Variants in FOXO3 observed in about 807,000 individuals in gnomAD.
The protein encoded by FOXO3 is forkhead box protein O3.
Under a neutral mutation model 41.9 loss-of-function variants are expected in FOXO3, and 4 were observed. The observed-to-expected ratio is 0.10, with a 90% CI of 0.05 to 0.22. FOXO3 has a LOEUF of 0.22. Among genes scored for constraint, FOXO3 ranks in the 10% least tolerant of loss-of-function variants. FOXO3 has a pLI of 1.00. For missense variants in FOXO3, 534 were observed against 906.8 expected, an observed-to-expected ratio of 0.59 and a Z score of 5.28; for synonymous variants, 318 against 389.3, an observed-to-expected ratio of 0.82 and a Z score of 2.16.
chr6:108,590,219 G>C (rs913286419), intron 1 of FOXO3, among the ~76,000 whole-genome samples: 3 of 151,816 alleles, frequency 2.0e-5, no homozygotes, highest in Non-Finnish European at 4.4e-5. Context: ...GAACTCCTGG[G>C]CTCAAAGGAT....
In FOXO3 at chr6:108,577,869, G is replaced by A. The variant is rs77513393; in HGVS notation, c.621+16040G>A. ...GAGCATTATTATCACTTAACAAACT[G>A]TGTTTAACTGGGGTCTCCTCTTCTT... On this transcript the variant is annotated intron_variant, in intron 1 of 2. Coordinates refer to ENST00000406360, the MANE Select transcript of FOXO3 (RefSeq NM_001455.4). Among the ~76,000 whole-genome samples, 1,004 of 152,270 alleles carry A rather than the reference G, an allele frequency of 6.6e-3. 14 individuals are homozygous for A. Among genetic ancestry groups the A allele is most frequent in the African/African-American group, 0.023 (966 of 41,546 alleles).
At chr6:108,641,433 C>G (rs1778254316) in intron 1 of FOXO3, among the ~76,000 whole-genome samples, 1 of 152,102 alleles carries the variant, frequency 6.6e-6, no homozygotes, top group Non-Finnish European at 1.5e-5. Context: ...TAAAGAACCT[C>G]TAGGGCTCCA....
intron 1 of FOXO3, among the ~76,000 whole-genome samples, chr6:108,629,729 G>A (rs1018508522): frequency 9.2e-5 from 14 of 151,534 alleles, no homozygotes; most frequent in African/African-American, 3.2e-4. Context: ...TGTATGTGTT[G>A]TTCTCTGGCT....
At chr6:108,574,407 A>G (rs1776205626) in intron 1 of FOXO3, among the ~76,000 whole-genome samples, 1 of 152,158 alleles carries the variant, frequency 6.6e-6, no homozygotes, top group Non-Finnish European at 1.5e-5. Flanking sequence ...TTGGGACAGT[A>G]GGATATCTGT....
chr6:108,573,777 C>G (rs1251953147), intron 1 of FOXO3, among the ~76,000 whole-genome samples: 1 of 150,212 alleles, frequency 6.7e-6, no homozygotes, highest in Non-Finnish European at 1.5e-5. Flanking sequence ...TGCAGTGAGC[C>G]AAGATCACAC....
chr6:108,598,394 A>G (rs998131039), intron 1 of FOXO3, among the ~76,000 whole-genome samples: 2 of 152,050 alleles, frequency 1.3e-5, no homozygotes, highest in African/African-American at 4.8e-5. Flanking sequence ...TAGGGTGGGG[A>G]TGACAGGGGA....
At chr6:108,673,084 A>T (rs1267267493) in intron 2 of FOXO3, among the ~76,000 whole-genome samples, 1 of 152,240 alleles carries the variant, frequency 6.6e-6, no homozygotes, top group East Asian at 1.9e-4. Context: ...ATACCGCCCA[A>T]CGTAGTTATA....
At chr6:108,585,245 C>G (rs925927666) in intron 1 of FOXO3, among the ~76,000 whole-genome samples, 3 of 151,884 alleles carry the variant, frequency 2.0e-5, no homozygotes, top group African/African-American at 4.8e-5. Flanking sequence ...GGGTTTCACC[C>G]CGTTAGCCAG....
At chr6:108,608,570 C>T (rs1777272450) in intron 1 of FOXO3, among the ~76,000 whole-genome samples, 1 of 152,174 alleles carries the variant, frequency 6.6e-6, no homozygotes, top group African/African-American at 2.4e-5. Flanking sequence ...CAAAAATACT[C>T]TGGCAGAAAC....
chr6:108,657,069 T>C (rs1031722325), intron 1 of FOXO3, among the ~76,000 whole-genome samples: 1 of 152,242 alleles, frequency 6.6e-6, no homozygotes, highest in African/African-American at 2.4e-5. Flanking sequence ...TTGCCAGTTC[T>C]GTAACTGATT....
chr6:108,560,790 C>T, upstream of FOXO3: 1 of 348,912 alleles, frequency 2.9e-6, no homozygotes, highest in Non-Finnish European at 4.9e-6. Flanking sequence ...CCCGGGCGCC[C>T]CTCCCCCTTC....
intron 1 of FOXO3, among the ~76,000 whole-genome samples, chr6:108,636,296 C>T (rs1778118967): frequency 1.3e-5 from 2 of 152,214 alleles, no homozygotes; most frequent in African/African-American, 4.8e-5. Context: ...TTAGTTTGAT[C>T]TCACAGAGAA....
chr6:108,668,035 G>A (rs1412477619), intron 2 of FOXO3, among the ~76,000 whole-genome samples: 4 of 152,166 alleles, frequency 2.6e-5, no homozygotes, highest in Non-Finnish European at 1.5e-5. Flanking sequence ...TTCACAGAAC[G>A]AGGCTGAGGT....
At chr6:108,614,054 A>T (rs1777430662) in intron 1 of FOXO3, among the ~76,000 whole-genome samples, 1 of 152,112 alleles carries the variant, frequency 6.6e-6, no homozygotes, top group African/African-American at 2.4e-5. Flanking sequence ...TTCTAACTAA[A>T]TTCTTTTGTG....
At chr6:108,583,844 G>A (rs1776501329) in intron 1 of FOXO3, among the ~76,000 whole-genome samples, 1 of 152,240 alleles carries the variant, frequency 6.6e-6, no homozygotes. Flanking sequence ...GAAGCAATCT[G>A]TGTGTGCTTT....
chr6:108,566,717 G>A (rs1374255307), intron 1 of FOXO3, among the ~76,000 whole-genome samples: 4 of 152,000 alleles, frequency 2.6e-5, no homozygotes, highest in Non-Finnish European at 5.9e-5. Flanking sequence ...TTGCCTATAG[G>A]GACAGACTTG....
At chr6:108,597,104 C>T (rs776529529) in intron 1 of FOXO3, among the ~76,000 whole-genome samples, 1 of 152,118 alleles carries the variant, frequency 6.6e-6, no homozygotes, top group African/African-American at 2.4e-5. Context: ...CAGAACTTGG[C>T]CATACAGTTG....
At chr6:108,599,008 A>C (rs539974101) in intron 1 of FOXO3, among the ~76,000 whole-genome samples, 3 of 152,308 alleles carry the variant, frequency 2.0e-5, no homozygotes, top group South Asian at 2.1e-4. Flanking sequence ...AAAGATTGCT[A>C]ACACTTATTA....
At chr6:108,605,014 T>A (rs1017066987) in intron 1 of FOXO3, among the ~76,000 whole-genome samples, 4 of 152,244 alleles carry the variant, frequency 2.6e-5, no homozygotes, top group Admixed American at 1.3e-4. Context: ...AATTTTTATT[T>A]TTAAGCTTAA....
Sources: allele counts gnomAD v4.1 joint callset (sites outside exome capture counted in the v4.1 genomes callset), GRCh38; gene constraint gnomAD v4.1.1; transcripts MANE v1.5; gene names NCBI Gene and HGNC (gene_info 2026-07-23, HGNC 2026-07-21).